The following CNTF variants were observed in gnomAD, a reference collection of about 807,000 sequenced individuals.
CNTF encodes the protein Ciliary Neuronotrophic Factor.
CNTF carries 14 observed loss-of-function variants against 13.0 expected under a neutral mutation model. That is an observed-to-expected ratio of 1.07 (90% CI 0.71 to 1.68). The LOEUF (loss-of-function observed/expected upper bound fraction) is 1.68. Among genes scored for constraint, CNTF ranks in the 40% most tolerant of loss-of-function variants. The pLI, the probability that CNTF is intolerant of heterozygous loss-of-function variation, is 0.00. For missense variants in CNTF, 283 were observed against 252.5 expected (o/e 1.12, Z -0.82); for synonymous variants, 98 against 92.4 (o/e 1.06, Z -0.35).
chr11:58,622,758 TTTCACAGAGCA>T lies in CNTF; in HGVS notation c.12_22del (p.Glu5AlafsTer10). ...TGGGACAGTTGAGTTAAGGGATGGC[TTTCACAGAGCA>T]TTCACCGCTGACCCCTCACCGTCGG... is the stretch of plus-strand genomic sequence containing the variant. On this transcript the variant is annotated frameshift_variant, in exon 1 of 2. Transcript: ENST00000361987. LOFTEE classifies it high-confidence loss of function. 6.2e-7 allele frequency: 1 copy of T among 1,613,370 alleles called. No homozygotes were observed. Among genetic ancestry groups the T allele is most frequent in the East Asian group, 2.2e-5 (1 of 44,868 alleles).
At position 58,624,024 on chromosome 11, in the gene CNTF, C is replaced by A; in HGVS notation, c.115-10C>A. 6.2e-7 allele frequency: 1 copy of A among 1,611,146 alleles called. No homozygotes were observed. The highest frequency in any genetic ancestry group is 8.5e-7 in the Non-Finnish European group (1 of 1,178,726). On this transcript the variant is annotated splice_polypyrimidine_tract_variant and intron_variant, in intron 1 of 1. Transcript: ENST00000361987. ...CAGAAGATGTGGTGTTTTCCTGTAT[C>A]CTCGGCCAGGTGAAGCATCAGGGCC... is the stretch of plus-strand genomic sequence containing the variant.
At position 58,624,068 on chromosome 11, in the gene CNTF, T is replaced by C. The variant is rs1304729970; in HGVS notation, c.149T>C (p.Leu50Pro). ...CAGGGCCTGAACAAGAACATCAACC[T>C]GGACTCTGCGGATGGGATGCCAGTG... is the stretch of plus-strand genomic sequence containing the variant. ...KHQGLNKNIN[L>P]DSADGMPVAS... The change falls in exon 2 of 2, where the codon CTG (leucine) becomes CCG (proline). Residue 50 changes from leucine to proline, a missense_variant. By Grantham distance (98) the Leu-to-Pro change is moderately conservative. Transcript: ENST00000361987. 13 of 1,611,860 alleles carry C rather than the reference T, an allele frequency of 8.1e-6. No homozygotes were observed. The highest frequency in any genetic ancestry group is 1.1e-5 in the Non-Finnish European group (13 of 1,178,962).
chr11:58,622,737 A>C lies in CNTF; in HGVS notation c.-16A>C, dbSNP rs746500294. The stretch of plus-strand genomic sequence containing the variant: ...AAACCCAGCTGACTTGTTTCCTGGG[A>C]CAGTTGAGTTAAGGGATGGCTTTCA... On this transcript the variant is annotated 5_prime_UTR_variant, in exon 1 of 2. Transcript: ENST00000361987. The C allele has an allele frequency of 3.8e-6, 6 of 1,595,748 alleles. No homozygotes were observed. In the Admixed American group the frequency reaches 1.0e-4, roughly 27 times the overall value.
At position 58,625,570 on chromosome 11, in the gene CNTF, A is replaced by C. The variant is rs1855919330; in HGVS notation, c.*1048A>C. 1 of 152,210 alleles carries C rather than the reference A, an allele frequency of 6.6e-6. No homozygotes were observed. The highest frequency in any genetic ancestry group is 1.5e-5 in the Non-Finnish European group (1 of 68,038). 9.4% of individuals were successfully genotyped at this position (152,210 alleles called of 1,614,324 possible). ...ATTAGTGATGCAGGCAGTGTAACCC[A>C]AGCATTTGTGGACAATGAGTGGAAT... On this transcript the variant is annotated 3_prime_UTR_variant, in exon 2 of 2. Coordinates refer to ENST00000361987, the MANE Select transcript of CNTF (RefSeq NM_000614.4).
chr11:58,623,738 G>C (rs1855886172), intron 1 of CNTF, among the ~76,000 whole-genome samples: 1 of 152,100 alleles, frequency 6.6e-6, no homozygotes, highest in Non-Finnish European at 1.5e-5. Context: ...TAATGAGAGA[G>C]TTTGAAGTGA....
At position 58,624,045 on chromosome 11, in the gene CNTF, G is replaced by C. The variant is rs763605427; in HGVS notation, c.126G>C (p.Gln42His). 14 of 1,612,404 alleles carry C rather than the reference G, an allele frequency of 8.7e-6. No homozygotes were observed. Among genetic ancestry groups the C allele is most frequent in the Non-Finnish European group, 1.2e-5 (14 of 1,179,182 alleles). The part of the protein sequence containing the change: ...TALTESYVKH[Q>H]GLNKNINLDS... ...GTATCCTCGGCCAGGTGAAGCATCAGGGCCTGAACAAGAACATCAACCTGG... is the reference window on the plus strand; with the variant it reads ...GTATCCTCGGCCAGGTGAAGCATCACGGCCTGAACAAGAACATCAACCTGG... Residue 42 changes from glutamine to histidine, a missense_variant, in exon 2 of 2, where the codon CAG becomes CAC. Gln to His is a conservative substitution (Grantham distance 24). Coordinates refer to ENST00000361987, the MANE Select transcript of CNTF (RefSeq NM_000614.4).
Position 58,624,574 on chromosome 11 carries a change from G to A in CNTF, c.*52G>A. 4 of 1,595,474 alleles carry A rather than the reference G, an allele frequency of 2.5e-6. No homozygotes were observed. Among genetic ancestry groups the A allele is most frequent in the Non-Finnish European group, 3.4e-6 (4 of 1,171,236 alleles). Reference sequence around the variant, plus strand: ...TTTCTCTTCTAATGGAATATGCGTAGTTCCCTGGGGCCTCGCTTTCCCATC... The same window carrying A: ...TTTCTCTTCTAATGGAATATGCGTAATTCCCTGGGGCCTCGCTTTCCCATC... On this transcript the variant is annotated 3_prime_UTR_variant, in exon 2 of 2. Transcript: ENST00000361987.
rs1855919894 is a variant in CNTF, at chr11:58,625,636, G to T, written c.*1114G>T. On this transcript the variant is annotated 3_prime_UTR_variant, in exon 2 of 2. Transcript: ENST00000361987. Reference sequence around the variant, plus strand: ...TCAAACTTTCACCTCAGATTTTCTGGACTTAGTCATGAGGAGAGGGTGAGG... The same window carrying T: ...TCAAACTTTCACCTCAGATTTTCTGTACTTAGTCATGAGGAGAGGGTGAGG... 6.6e-6 allele frequency: 1 copy of T among 152,140 alleles called. No homozygotes were observed. The highest frequency in any genetic ancestry group is 2.4e-5 in the African/African-American group (1 of 41,412). The allele number at this position is 152,140 out of a possible 1,614,324, so 9.4% of individuals were successfully genotyped here.
At position 58,625,354 on chromosome 11, in the gene CNTF, T is replaced by A. The variant is rs893225404; in HGVS notation, c.*832T>A. On this transcript the variant is annotated 3_prime_UTR_variant, in exon 2 of 2. Transcript: ENST00000361987. ...ATTTTAGCGTTAAAGTCAGGATTTA[T>A]TGTTCATACTTGGCGGTGAGGAGGG... 5 of 152,226 alleles carry A rather than the reference T, an allele frequency of 3.3e-5. No homozygotes were observed. The highest frequency in any genetic ancestry group is 1.2e-4 in the African/African-American group (5 of 41,458). 9.4% of individuals were successfully genotyped at this position (152,226 alleles called of 1,614,324 possible).
intron 1 of CNTF, 48 bp from the exon 2 acceptor site, chr11:58,623,986 A>G: frequency 6.3e-7 from 1 of 1,596,458 alleles, no homozygotes; most frequent in South Asian, 1.1e-5. Flanking sequence ...ATTTAAGGAC[A>G]CTGGGGTGAT....
Position 58,624,229 on chromosome 11 carries a change from G to A in CNTF, c.310G>A (p.Asp104Asn), listed in dbSNP as rs1855895574. Residue 104 changes from aspartate (D) to asparagine (N), a missense_variant, in exon 2 of 2, where the codon GAC becomes AAC. Asp to Asn is a conservative substitution (Grantham distance 23). Coordinates refer to ENST00000361987, the MANE Select transcript of CNTF (RefSeq NM_000614.4). ...GGTGCATTTTACCCCAACCGAAGGT[G>A]ACTTCCATCAAGCTATACATACCCT... ...QQVHFTPTEG[D>N]FHQAIHTLLL... The A allele has an allele frequency of 6.2e-7, 1 of 1,613,866 alleles. No homozygotes were observed. Among genetic ancestry groups the A allele is most frequent in the Admixed American group, 1.7e-5 (1 of 59,964 alleles).
rs917444973 is a variant in CNTF at position 58,624,106 on chromosome 11, C to T, written c.187C>T (p.Gln63Ter). Reference protein sequence around the residue: ...ADGMPVASTDQWSELTEAERL... With the variant: ...ADGMPVASTD ...TGGGATGCCAGTGGCAAGCACTGAT[C>T]AGTGGAGTGAGCTGACCGAGGCAGA... The change falls in exon 2 of 2, where the codon CAG becomes TAG. Residue 63 changes from glutamine to a stop codon, truncating the protein, a stop_gained. Transcript: ENST00000361987. LOFTEE classifies it high-confidence loss of function. 1.2e-6 allele frequency: 2 copies of T among 1,612,000 alleles called. No homozygotes were observed. The highest frequency in any genetic ancestry group is 1.7e-6 in the Non-Finnish European group (2 of 1,178,892).
At chr11:58,623,923 C>T in intron 1 of CNTF, 111 bp from the exon 2 acceptor site, 1 of 1,436,832 alleles carries the variant, frequency 7.0e-7, no homozygotes. Flanking sequence ...TACTTTACAA[C>T]TTGGATCCTT....
In CNTF at chr11:58,622,817, G is replaced by A. The variant is rs888678462; in HGVS notation, c.65G>A (p.Trp22Ter). Residue 22 changes from tryptophan (W) to a stop codon, truncating the protein, a stop_gained, in exon 1 of 2, where the codon TGG becomes TAG. Transcript: ENST00000361987. LOFTEE classifies it high-confidence loss of function. ...CGGGACCTCTGTAGCCGCTCTATCT[G>A]GCTAGCAAGGAAGATTCGTTCAGAC... ...HRRDLCSRSI[W>*]LARKIRSDLT... 6.2e-7 allele frequency: 1 copy of A among 1,614,028 alleles called. No individual in the cohort carries two copies. The highest frequency in any genetic ancestry group is 2.2e-5 in the East Asian group (1 of 44,878).
chr11:58,624,599 C>G lies in CNTF; in HGVS notation c.*77C>G. 9 of 1,552,888 alleles carry G rather than the reference C, an allele frequency of 5.8e-6. No individual in the cohort carries two copies. Among genetic ancestry groups the G allele is most frequent in the Non-Finnish European group, 7.0e-6 (8 of 1,140,846 alleles). On this transcript the variant is annotated 3_prime_UTR_variant, in exon 2 of 2. Transcript: ENST00000361987. ...GTTCCCTGGGGCCTCGCTTTCCCATCTTAAATTTCTAAAAACAGTTAAGAC... is the reference window on the plus strand; with the variant it reads ...GTTCCCTGGGGCCTCGCTTTCCCATGTTAAATTTCTAAAAACAGTTAAGAC...
At position 58,622,767 on chromosome 11, in the gene CNTF, G is replaced by A. The variant is rs1436317083; in HGVS notation, c.15G>A (p.Glu5=). Residue 5 remains glutamate, a synonymous_variant, in exon 1 of 2, where the codon GAG becomes GAA. Transcript: ENST00000361987. ...TGAGTTAAGGGATGGCTTTCACAGA[G>A]CATTCACCGCTGACCCCTCACCGTC... MAFT[E]HSPLTPHRRD... is the part of the protein sequence containing the mutation. 2.5e-6 allele frequency: 4 copies of A among 1,613,664 alleles called. No individual in the cohort carries two copies. The highest frequency in any genetic ancestry group is 3.3e-5 in the Admixed American group (2 of 59,966).
chr11:58,623,916 T>C lies in CNTF; in HGVS notation c.115-118T>C, dbSNP rs893511577. The C allele has an allele frequency of 5.7e-6, 8 of 1,401,358 alleles. No homozygotes were observed. The African/African-American group carries it at 1.0e-4, about 18-fold the overall frequency. 86.8% of individuals were successfully genotyped at this position (1,401,358 alleles called of 1,614,324 possible). ...TTCCTACTGTAGACATATTATTTAC[T>C]TTACAACTTGGATCCTTGGCCAGAG... On this transcript the variant is annotated intron_variant, in intron 1 of 1. Coordinates refer to ENST00000361987, the MANE Select transcript of CNTF (RefSeq NM_000614.4).
chr11:58,623,473 G>C (rs149471732), intron 1 of CNTF, among the ~76,000 whole-genome samples: 1 of 152,308 alleles, frequency 6.6e-6, no homozygotes, highest in African/African-American at 2.4e-5. Flanking sequence ...ACAGTAAGGG[G>C]ATCCCCATCA....
At chr11:58,623,148 A>G (rs1481795875) in intron 1 of CNTF, among the ~76,000 whole-genome samples, 1 of 152,188 alleles carries the variant, frequency 6.6e-6, no homozygotes, top group African/African-American at 2.4e-5. Flanking sequence ...TTATTGGCAT[A>G]TATTCTGAAT....
Sources: allele counts gnomAD v4.1 joint callset (sites outside exome capture counted in the v4.1 genomes callset), GRCh38; gene constraint gnomAD v4.1.1; transcripts MANE v1.5; gene names NCBI Gene and HGNC (gene_info 2026-07-23, HGNC 2026-07-21).